Variants in SSH2 observed in about 807,000 individuals in gnomAD.
The protein encoded by SSH2 is protein phosphatase Slingshot homolog 2.
A neutral mutation model predicts 135.2 loss-of-function variants in SSH2; 37 were observed. The observed-to-expected ratio is 0.27, with a 90% CI of 0.21 to 0.36. The LOEUF (loss-of-function observed/expected upper bound fraction) is 0.36, where lower values mean the gene tolerates loss of function less well. Among genes scored for constraint, SSH2 ranks in the 10% least tolerant of loss-of-function variants. The pLI, the probability that SSH2 is intolerant of heterozygous loss-of-function variation, is 1.00. For synonymous variants in SSH2, 628 were observed against 646.2 expected (o/e 0.97, Z 0.43); for missense variants, 1,408 against 1,765.3 (o/e 0.80, Z 3.63).
At chr17:29,848,747 T>C (rs562174867) in intron 2 of SSH2, 102 bp downstream of exon 2, 491 of 716,368 alleles carry the variant, frequency 6.9e-4, no homozygotes, top group Non-Finnish European at 1.0e-3. Flanking sequence ...GTCAAATAGA[T>C]AAAATAATAG....
chr17:29,766,431 C>T (rs569364309), intron 3 of SSH2, among the ~76,000 whole-genome samples: 10 of 150,502 alleles, frequency 6.6e-5, no homozygotes, highest in African/African-American at 1.7e-4. Flanking sequence ...GCACTCTAGT[C>T]GGGGCAACAG....
intron 2 of SSH2, among the ~76,000 whole-genome samples, chr17:29,840,787 TTTACA>T (rs577794333): frequency 2.0e-4 from 30 of 152,298 alleles, no homozygotes; most frequent in African/African-American, 5.3e-4. Context: ...CTCTAAGCAC[TTTACA>T]TAAGTTATCT....
intron 3 of SSH2, among the ~76,000 whole-genome samples, chr17:29,751,089 C>A (rs984878896): frequency 1.4e-4 from 21 of 152,000 alleles, no homozygotes; most frequent in Non-Finnish European, 8.8e-5. Flanking sequence ...CTGCCTGAGG[C>A]AGCTTTACAG....
At chr17:29,851,935 T>C (rs771531848) in intron 1 of SSH2, among the ~76,000 whole-genome samples, 2 of 152,110 alleles carry the variant, frequency 1.3e-5, no homozygotes, top group African/African-American at 2.4e-5. Flanking sequence ...CTAGTTAAGA[T>C]GTTGCAGCTT....
intron 3 of SSH2, among the ~76,000 whole-genome samples, chr17:29,759,982 G>A (rs958920718): frequency 3.9e-4 from 60 of 152,262 alleles, no homozygotes; most frequent in African/African-American, 1.4e-3. Context: ...TAATTGTGGA[G>A]CTTTTACAGT....
chr17:29,768,382 G>A (rs966404534), intron 3 of SSH2, among the ~76,000 whole-genome samples: 1 of 143,084 alleles, frequency 7.0e-6, no homozygotes, highest in Admixed American at 7.5e-5. Flanking sequence ...ACTCTTAACC[G>A]CCTGGGCTCA....
chr17:29,843,794 T>TA (rs1254353820), intron 2 of SSH2, among the ~76,000 whole-genome samples: 3 of 152,158 alleles, frequency 2.0e-5, no homozygotes, highest in Admixed American at 2.0e-4. Context: ...TGATAACTTT[T>TA]AAAAATTCTT....
At chr17:29,846,935 A>AGTAAAATT (rs1401260983) in intron 2 of SSH2, among the ~76,000 whole-genome samples, 1 of 152,254 alleles carries the variant, frequency 6.6e-6, no homozygotes, top group East Asian at 1.9e-4. Context: ...GATCAAGTCA[A>AGTAAAATT]GTAAAATTAT....
rs185125287 is a variant in SSH2 at position 29,917,695 on chromosome 17, A to T, written c.63+12243T>A. Among the ~76,000 whole-genome samples the T allele has an allele frequency of 7.5e-4, 114 of 152,308 alleles. 3 individuals carry two copies. The highest frequency in any genetic ancestry group is 7.4e-3 in the Admixed American group (113 of 15,308). ...TGGTGAAACCCCATCTCTACTGAAA[A>T]ATACAAAAAATTAGCAAGGCATGGT... On this transcript the variant is annotated intron_variant, in intron 1 of 15. Transcript: ENST00000540801.
At chr17:29,651,906 G>A (rs1241092838) in intron 12 of SSH2, among the ~76,000 whole-genome samples, 4 of 152,214 alleles carry the variant, frequency 2.6e-5, no homozygotes, top group Non-Finnish European at 5.9e-5. Flanking sequence ...ACTCTGGGAG[G>A]CCGAGGTGGG....
chr17:29,656,594 A>G (rs1319995287), intron 11 of SSH2, among the ~76,000 whole-genome samples: 1 of 152,218 alleles, frequency 6.6e-6, no homozygotes, highest in Non-Finnish European at 1.5e-5. Context: ...GAAACATTAT[A>G]TGTAAAATTT....
rs1343776861 is a variant in SSH2, at chr17:29,911,182, CA to C, written c.63+18755del. On this transcript the variant is annotated intron_variant, in intron 1 of 15. Coordinates refer to ENST00000540801, the MANE Select transcript of SSH2 (RefSeq NM_001282129.2). ...GAATATGCGCTGGGTAGAAAATAAA[CA>C]TGAATAAAAATGTAAGTTATATTTT... 2.0e-5 allele frequency among the ~76,000 whole-genome samples: 3 copies of C among 152,128 alleles called. No individual in the cohort carries two copies. The East Asian group carries it at 5.8e-4, about 29-fold the overall frequency.
chr17:29,698,287 G>A (rs1355026672), intron 4 of SSH2, among the ~76,000 whole-genome samples: 1 of 152,130 alleles, frequency 6.6e-6, no homozygotes, highest in African/African-American at 2.4e-5. Flanking sequence ...GTACAACTCT[G>A]TGACTATTCT....
chr17:29,727,224 CA>C (rs2040032288), intron 3 of SSH2, among the ~76,000 whole-genome samples: 1 of 152,070 alleles, frequency 6.6e-6, no homozygotes, highest in Admixed American at 6.6e-5. Flanking sequence ...CAATAATAGA[CA>C]AAGAAAGTTC....
At chr17:29,735,293 G>C (rs190532462) in intron 3 of SSH2, among the ~76,000 whole-genome samples, 1 of 152,212 alleles carries the variant, frequency 6.6e-6, no homozygotes, top group East Asian at 1.9e-4. Context: ...CCTTTAACAA[G>C]AGGCAAACGC....
intron 15 of SSH2, among the ~76,000 whole-genome samples, chr17:29,633,961 C>T (rs1017263198): frequency 2.0e-5 from 3 of 152,222 alleles, no homozygotes; most frequent in Non-Finnish European, 4.4e-5. Context: ...TGTGCCATGA[C>T]ATCAGGCAGA....
chr17:29,744,394 A>T (rs2040684448), intron 3 of SSH2, among the ~76,000 whole-genome samples: 1 of 152,230 alleles, frequency 6.6e-6, no homozygotes, highest in African/African-American at 2.4e-5. Context: ...GTATTAGGGC[A>T]TAATTTCTAA....
chr17:29,722,928 C>T (rs2039870234), intron 3 of SSH2, among the ~76,000 whole-genome samples: 1 of 152,222 alleles, frequency 6.6e-6, no homozygotes, highest in Non-Finnish European at 1.5e-5. Flanking sequence ...TCCGAAGCCA[C>T]AGGGCTGAAG....
chr17:29,858,016 A>G (rs1359678188), intron 1 of SSH2, among the ~76,000 whole-genome samples: 1 of 152,220 alleles, frequency 6.6e-6, no homozygotes, highest in Non-Finnish European at 1.5e-5. Context: ...CTTACTTAGC[A>G]TAAGGTCCTC....
Sources: gnomAD v4.1 joint callset for allele counts (sites outside exome capture counted in the v4.1 genomes callset) on GRCh38, gnomAD v4.1.1 for gene constraint, MANE v1.5 for transcripts, NCBI Gene and HGNC (gene_info 2026-07-23, HGNC 2026-07-21) for gene names.